The following MCU variants were observed in gnomAD, a reference collection of about 807,000 sequenced individuals.
MCU encodes the protein mitochondrial calcium uniporter, also known as calcium uniporter protein, mitochondrial.
A neutral mutation model predicts 45.2 loss-of-function variants in MCU; 12 were observed. The ratio of observed to expected loss-of-function variants is 0.27; its 90% CI spans 0.17 to 0.43. MCU has a LOEUF of 0.43. Among genes scored for constraint, MCU ranks in the 20% least tolerant of loss-of-function variants. The pLI is 1.00. For synonymous variants in MCU, 160 were observed against 165.1 expected, an observed-to-expected ratio of 0.97 and a Z score of 0.24; for missense variants, 324 against 436.7, an observed-to-expected ratio of 0.74 and a Z score of 2.30.
At chr10:72,763,142 C>T (rs1176375561) in intron 1 of MCU, among the ~76,000 whole-genome samples, 1 of 152,140 alleles carries the variant, frequency 6.6e-6, no homozygotes, top group East Asian at 1.9e-4. Flanking sequence ...TTAGATTGTG[C>T]CCACCTGGAT....
chr10:72,760,064 A>C (rs1843632934), intron 1 of MCU, among the ~76,000 whole-genome samples: 3 of 143,592 alleles, frequency 2.1e-5, no homozygotes, highest in Non-Finnish European at 4.6e-5. Context: ...TTTTTTTTTG[A>C]GACAGAGTCT....
At chr10:72,698,977 A>C (rs1303038641) in intron 1 of MCU, among the ~76,000 whole-genome samples, 1 of 151,654 alleles carries the variant, frequency 6.6e-6, no homozygotes, top group South Asian at 2.1e-4. Context: ...CTAATTTTTA[A>C]ATTTTTTGTA....
intron 1 of MCU, among the ~76,000 whole-genome samples, chr10:72,731,747 G>C (rs1055936002): frequency 6.6e-6 from 1 of 151,922 alleles, no homozygotes. Context: ...TTCACTTTAC[G>C]TAATGTTTTT....
At chr10:72,804,180 G>C (rs568852699) in intron 1 of MCU, among the ~76,000 whole-genome samples, 1 of 149,220 alleles carries the variant, frequency 6.7e-6, no homozygotes, top group African/African-American at 2.5e-5. Flanking sequence ...TCCACCTCCT[G>C]GGTTCAAGTG....
chr10:72,770,494 G>A lies in MCU; in HGVS notation c.151-63865G>A, dbSNP rs891857869. ...TTTTGTGCTATTACATTTTCTCAGT[G>A]CTATTATTATTAAATATTATAGGTA... On this transcript the variant is annotated intron_variant, in intron 1 of 7. Coordinates refer to ENST00000373053, the MANE Select transcript of MCU (RefSeq NM_138357.3). Among the ~76,000 whole-genome samples, 12 of 151,838 alleles carry A rather than the reference G, an allele frequency of 7.9e-5. No individual in the cohort carries two copies. The East Asian group carries it at 2.3e-3, about 29-fold the overall frequency.
At chr10:72,816,429 A>C (rs1180698911) in intron 1 of MCU, among the ~76,000 whole-genome samples, 1 of 152,236 alleles carries the variant, frequency 6.6e-6, no homozygotes, top group Non-Finnish European at 1.5e-5. Flanking sequence ...AGTAATTGAA[A>C]GCTGTTCCTT....
At chr10:72,761,505 T>C (rs1254941441) in intron 1 of MCU, among the ~76,000 whole-genome samples, 2 of 152,192 alleles carry the variant, frequency 1.3e-5, no homozygotes, top group Non-Finnish European at 2.9e-5. Flanking sequence ...TTTTTGGTAT[T>C]TTATGATCGG....
At chr10:72,779,247 C>T (rs1174334811) in intron 1 of MCU, among the ~76,000 whole-genome samples, 1 of 152,132 alleles carries the variant, frequency 6.6e-6, no homozygotes, top group Non-Finnish European at 1.5e-5. Flanking sequence ...GGATTACAGG[C>T]GTGAGCCACT....
intron 1 of MCU, among the ~76,000 whole-genome samples, chr10:72,771,155 C>T (rs180745473): frequency 5.3e-5 from 8 of 151,992 alleles, no homozygotes; most frequent in African/African-American, 1.4e-4. Context: ...CCCATCAACC[C>T]GTCATTTTAC....
intron 1 of MCU, among the ~76,000 whole-genome samples, chr10:72,745,234 AT>A (rs911291579): frequency 1.2e-4 from 18 of 148,780 alleles, no homozygotes; most frequent in Non-Finnish European, 1.3e-4. Context: ...ACTGTTCAGA[AT>A]TTTTTTTTTT....
chr10:72,785,071 GTCTCTAGA>G (rs1844052060), intron 1 of MCU, among the ~76,000 whole-genome samples: 1 of 152,124 alleles, frequency 6.6e-6, no homozygotes, highest in African/African-American at 2.4e-5. Context: ...GGCTCTTCCT[GTCTCTAGA>G]TATTTAGCAT....
intron 1 of MCU, among the ~76,000 whole-genome samples, chr10:72,742,105 G>C (rs1843343912): frequency 6.7e-6 from 1 of 149,734 alleles, no homozygotes; most frequent in Non-Finnish European, 1.5e-5. Context: ...TAAGATTATA[G>C]TATCGTATAC....
chr10:72,884,204 A>G, intron 6 of MCU, 62 bp from the exon 7 acceptor site: 1 of 956,878 alleles, frequency 1.0e-6, no homozygotes, highest in Non-Finnish European at 1.7e-6. Context: ...AGCAGCAGTT[A>G]GTAAATATTT....
intron 1 of MCU, among the ~76,000 whole-genome samples, chr10:72,792,638 A>G (rs1844179535): frequency 6.6e-6 from 1 of 151,958 alleles, no homozygotes; most frequent in Admixed American, 6.6e-5. Flanking sequence ...CCTTGAAGGA[A>G]CTCAGGGTTT....
At chr10:72,780,612 T>C (rs1240277610) in intron 1 of MCU, among the ~76,000 whole-genome samples, 1 of 150,354 alleles carries the variant, frequency 6.7e-6, no homozygotes, top group Non-Finnish European at 1.5e-5. Flanking sequence ...AAAACAAATT[T>C]GCCATAATCT....
chr10:72,886,415 T>C lies in MCU; in HGVS notation c.*593T>C, dbSNP rs1727004166. 4 of 152,638 alleles carry C rather than the reference T, an allele frequency of 2.6e-5. No homozygotes were observed. In the South Asian group the frequency reaches 6.2e-4, roughly 24 times the overall value. 9.5% of individuals were successfully genotyped at this position (152,638 alleles called of 1,614,324 possible). A position where few individuals can be genotyped will look rare whatever the true frequency, so the allele number is the denominator to read the frequency against. The stretch of plus-strand genomic sequence containing the variant: ...CCATTTGATAATTGGAACCAACTTA[T>C]AACTGTTTAATAATTGACACTTTAG... On this transcript the variant is annotated 3_prime_UTR_variant, in exon 8 of 8. Coordinates refer to ENST00000373053, the MANE Select transcript of MCU (RefSeq NM_138357.3).
intron 1 of MCU, among the ~76,000 whole-genome samples, chr10:72,772,725 C>T (rs1843830426): frequency 6.6e-6 from 1 of 152,054 alleles, no homozygotes. Flanking sequence ...CAAAACAAGC[C>T]AGATAGAAAA....
intron 1 of MCU, among the ~76,000 whole-genome samples, chr10:72,825,563 A>T (rs1199401453): frequency 6.6e-6 from 1 of 152,234 alleles, no homozygotes; most frequent in African/African-American, 2.4e-5. Context: ...GCAGAGAGAG[A>T]AATTAATAGC....
Position 72,886,081 on chromosome 10 carries a change from T to C in MCU, c.*259T>C, listed in dbSNP as rs1334786226. The C allele has an allele frequency of 8.1e-6, 3 of 372,128 alleles. No individual in the cohort carries two copies. The highest frequency in any genetic ancestry group is 4.3e-5 in the Admixed American group (1 of 23,174). The allele number at this position is 372,128 out of a possible 1,614,324, so 23.1% of individuals were successfully genotyped here. A position where few individuals can be genotyped will look rare whatever the true frequency, so the allele number is the denominator to read the frequency against. On this transcript the variant is annotated 3_prime_UTR_variant, in exon 8 of 8. Transcript: ENST00000373053. The stretch of plus-strand genomic sequence containing the variant: ...TTTCTGGATGAAAATGATGCAGTTA[T>C]ATAGTTGAGAGATTCATAAAGAGAA...
Sources: allele counts gnomAD v4.1 joint callset (sites outside exome capture counted in the v4.1 genomes callset), GRCh38; gene constraint gnomAD v4.1.1; transcripts MANE v1.5; gene names NCBI Gene and HGNC (gene_info 2026-07-23, HGNC 2026-07-21).